Variants in CNBD1 observed in about 807,000 individuals in gnomAD.
CNBD1 encodes the protein cyclic nucleotide-binding domain-containing protein 1.
Under a neutral mutation model 54.4 loss-of-function variants are expected in CNBD1, and 71 were observed. The ratio of observed to expected loss-of-function variants is 1.30; its 90% CI spans 1.08 to 1.59. CNBD1 has a LOEUF of 1.59. Among genes scored for constraint, CNBD1 ranks in the 40% most tolerant of loss-of-function variants. The pLI is 0.00. For synonymous variants in CNBD1, 182 were observed against 170.7 expected (o/e 1.07, Z -0.51); for missense variants, 659 against 518.0 (o/e 1.27, Z -2.64).
chr8:87,362,033 G>A (rs190559458), intron 10 of CNBD1, among the ~76,000 whole-genome samples: 1 of 151,930 alleles, frequency 6.6e-6, no homozygotes, highest in Non-Finnish European at 1.5e-5. Context: ...GTCATTCCAT[G>A]TCCTGAGATT....
intron 8 of CNBD1, among the ~76,000 whole-genome samples, chr8:87,345,974 G>A (rs1449335476): frequency 6.6e-6 from 1 of 152,022 alleles, no homozygotes; most frequent in African/African-American, 2.4e-5. Context: ...AAATATATTG[G>A]TTGTGTTACA....
chr8:86,992,401 G>T (rs1246073291), intron 4 of CNBD1, among the ~76,000 whole-genome samples: 2 of 152,112 alleles, frequency 1.3e-5, no homozygotes, highest in Non-Finnish European at 2.9e-5. Flanking sequence ...ATAGCAGACA[G>T]TTGGGTCTTA....
chr8:86,986,726 C>T (rs1348568758), intron 4 of CNBD1, among the ~76,000 whole-genome samples: 1 of 152,146 alleles, frequency 6.6e-6, no homozygotes, highest in Non-Finnish European at 1.5e-5. Context: ...TGTTCTTCTG[C>T]TTATGGATAG....
At chr8:87,087,460 ATTCT>A (rs1427123636) in intron 4 of CNBD1, among the ~76,000 whole-genome samples, 4 of 144,728 alleles carry the variant, frequency 2.8e-5, no homozygotes, top group Admixed American at 1.4e-4. Flanking sequence ...ATTGAAGTAC[ATTCT>A]TTTTTTTTTT....
At chr8:86,903,176 C>T (rs1188423499) in intron 2 of CNBD1, among the ~76,000 whole-genome samples, 7 of 152,062 alleles carry the variant, frequency 4.6e-5, no homozygotes, top group African/African-American at 1.2e-4. Flanking sequence ...ATCATAGACA[C>T]TGAATCCATG....
In CNBD1 at chr8:87,366,653, T is replaced by C. The variant is rs145527547; in HGVS notation, c.1303+12867T>C. 1.1e-3 allele frequency among the ~76,000 whole-genome samples: 167 copies of C among 152,128 alleles called. 2 individuals are homozygous for C. In the East Asian group the frequency reaches 0.024, roughly 22 times the overall value. On this transcript the variant is annotated intron_variant, in intron 10 of 10. Coordinates refer to ENST00000518476, the MANE Select transcript of CNBD1 (RefSeq NM_173538.3). ...CAGGAGTAACACCATGGGCTGAAGG[T>C]CGTGGGGGCCACTTTAGAACTCTGC...
chr8:87,305,845 A>G (rs776603775), intron 8 of CNBD1, among the ~76,000 whole-genome samples: 1 of 152,140 alleles, frequency 6.6e-6, no homozygotes, highest in African/African-American at 2.4e-5. Flanking sequence ...ATTGGCTTAA[A>G]CAAGGATTTC....
chr8:86,958,280 T>G (rs531149280), intron 4 of CNBD1, among the ~76,000 whole-genome samples: 204 of 152,348 alleles, frequency 1.3e-3, no homozygotes, highest in Non-Finnish European at 2.2e-3. Flanking sequence ...AGGTCAGATG[T>G]GCTGCTGAGA....
At position 86,927,023 on chromosome 8, in the gene CNBD1, C is replaced by T. The variant is rs190204138; in HGVS notation, c.273-12573C>T. ...GAAGACTAAGGTTCAGGTGCCTGTG[C>T]AGTTGGTGGGGAGGAAGATATAGGC... On this transcript the variant is annotated intron_variant, in intron 3 of 10. Coordinates refer to ENST00000518476, the MANE Select transcript of CNBD1 (RefSeq NM_173538.3). 5.2e-3 allele frequency among the ~76,000 whole-genome samples: 793 copies of T among 152,196 alleles called. 3 individuals carry two copies. Among genetic ancestry groups the T allele is most frequent in the Non-Finnish European group, 8.4e-3 (573 of 68,024 alleles).
At chr8:86,888,999 G>A (rs895783068) in intron 2 of CNBD1, among the ~76,000 whole-genome samples, 3 of 152,190 alleles carry the variant, frequency 2.0e-5, no homozygotes, top group Middle Eastern at 3.4e-3. Flanking sequence ...GTGTCGTCTT[G>A]TGAGACAATT....
intron 1 of CNBD1, among the ~76,000 whole-genome samples, chr8:86,870,725 G>T (rs897896989): frequency 7.2e-5 from 11 of 152,076 alleles, no homozygotes; most frequent in Admixed American, 2.6e-4. Flanking sequence ...TCCTAGGAAT[G>T]CAGGTAAGAA....
intron 4 of CNBD1, among the ~76,000 whole-genome samples, chr8:86,968,065 G>A (rs183761271): frequency 9.7e-4 from 147 of 152,158 alleles, no homozygotes; most frequent in African/African-American, 3.3e-3. Context: ...CCCTTAGGTG[G>A]GACAGAATGG....
chr8:87,353,256 A>T (rs1810344395), intron 9 of CNBD1, among the ~76,000 whole-genome samples: 1 of 152,160 alleles, frequency 6.6e-6, no homozygotes, highest in South Asian at 2.1e-4. Flanking sequence ...TGTGGGTTCA[A>T]CAAGAGTGCC....
intron 6 of CNBD1, among the ~76,000 whole-genome samples, chr8:87,260,963 CA>C (rs1489499942): frequency 1.3e-5 from 2 of 152,016 alleles, no homozygotes; most frequent in Non-Finnish European, 2.9e-5. Context: ...CCTACCTAAG[CA>C]TGCAAGAAAA....
chr8:87,026,857 A>C (rs763804305), intron 4 of CNBD1, among the ~76,000 whole-genome samples: 1 of 152,222 alleles, frequency 6.6e-6, no homozygotes, highest in Admixed American at 6.5e-5. Flanking sequence ...CAGAGAAGAC[A>C]CACAAACCAA....
chr8:86,955,445 A>C (rs1807739737), intron 4 of CNBD1, among the ~76,000 whole-genome samples: 1 of 152,212 alleles, frequency 6.6e-6, no homozygotes, highest in Non-Finnish European at 1.5e-5. Context: ...TTACAGTCCC[A>C]CCAACAGTGT....
At chr8:87,368,608 C>A (rs966810244) in intron 10 of CNBD1, among the ~76,000 whole-genome samples, 3 of 151,630 alleles carry the variant, frequency 2.0e-5, no homozygotes, top group African/African-American at 7.3e-5. Context: ...CTTCACTCCA[C>A]CCTGGGTGAC....
At chr8:87,222,924 C>A (rs953654880) in intron 5 of CNBD1, among the ~76,000 whole-genome samples, 1 of 152,022 alleles carries the variant, frequency 6.6e-6, no homozygotes, top group African/African-American at 2.4e-5. Context: ...GTAATAGAAA[C>A]TAGGTATATA....
chr8:87,120,684 A>G lies in CNBD1; in HGVS notation c.432-85309A>G, dbSNP rs144379045. On this transcript the variant is annotated intron_variant, in intron 4 of 10. Transcript: ENST00000518476. ...GCCCCAATCTTTTTGCTTTTTTGAT[A>G]CAGGTATTTATTGCTATAAACTTCC... 6.6e-4 allele frequency among the ~76,000 whole-genome samples: 100 copies of G among 151,780 alleles called. No homozygotes were observed. In the East Asian group the frequency reaches 8.7e-3, roughly 13 times the overall value.
Sources: allele counts gnomAD v4.1 joint callset (sites outside exome capture counted in the v4.1 genomes callset), GRCh38; gene constraint gnomAD v4.1.1; transcripts MANE v1.5; gene names NCBI Gene and HGNC (gene_info 2026-07-23, HGNC 2026-07-21).